The following EFNA3 variants were observed in gnomAD, a reference collection of about 807,000 sequenced individuals.
The protein encoded by EFNA3 is ephrin A3, also known as ephrin-A3.
Under a neutral mutation model 25.0 loss-of-function variants are expected in EFNA3, and 15 were observed. The ratio of observed to expected loss-of-function variants is 0.60; its 90% confidence interval spans 0.40 to 0.92. The LOEUF is 0.92. EFNA3 is among the 40% of genes least tolerant of loss of function. The pLI, the probability that EFNA3 is intolerant of heterozygous loss-of-function variation, is 0.00. For synonymous variants in EFNA3, 153 were observed against 145.6 expected (o/e 1.05, Z -0.37); for missense variants, 298 against 323.8 (o/e 0.92, Z 0.61).
chr1:155,079,259 G>C lies in EFNA3; in HGVS notation c.128+190G>C, dbSNP rs895404508. 2.0e-5 allele frequency among the ~76,000 whole-genome samples: 3 copies of C among 152,124 alleles called. No homozygotes were observed. Among genetic ancestry groups the C allele is most frequent in the Admixed American group, 2.0e-4 (3 of 15,278 alleles). ...TCGGGGGTGTCTGAAGAGGCTGTTG[G>C]GCTATAGTAAGGAGCGCTCGGGCCG... On this transcript the variant is annotated intron_variant, in intron 1 of 4. Coordinates refer to ENST00000368408, the MANE Select transcript of EFNA3 (RefSeq NM_004952.5). This position sits in a 1 kb window ranked among gnomAD's most constrained non-coding sequence, Gnocchi z 7.7.
Position 155,085,055 on chromosome 1 carries a change from G to A in EFNA3, c.129-36G>A, listed in dbSNP as rs752703481. 1 of 1,608,008 alleles carries A rather than the reference G, an allele frequency of 6.2e-7. No individual in the cohort carries two copies. Among genetic ancestry groups the A allele is most frequent in the Non-Finnish European group, 8.5e-7 (1 of 1,177,444 alleles). ...AGATGGAAAGCGGCTTTGCTCTGGG[G>A]TTTCTTCTCTCTGAGCCGCTTCCTC... On this transcript the variant is annotated intron_variant, in intron 1 of 4. Coordinates refer to ENST00000368408, the MANE Select transcript of EFNA3 (RefSeq NM_004952.5). The surrounding 1 kb of genome is among the most constrained non-coding windows in gnomAD (Gnocchi z 4.4).
chr1:155,083,009 G>C (rs980960841), intron 1 of EFNA3, among the ~76,000 whole-genome samples: 2 of 152,244 alleles, frequency 1.3e-5, no homozygotes, highest in African/African-American at 4.8e-5. Context: ...GCCTTGGGGG[G>C]GCATTTCAGG....
In EFNA3 at chr1:155,086,263, G is replaced by T; in HGVS notation, c.586+58G>T. 2.5e-6 allele frequency: 4 copies of T among 1,601,470 alleles called. No homozygotes were observed. In the South Asian group the frequency reaches 3.3e-5, roughly 13 times the overall value. On this transcript the variant is annotated intron_variant, in intron 4 of 4. Coordinates refer to ENST00000368408, the MANE Select transcript of EFNA3 (RefSeq NM_004952.5). ...GCTGGAACCGCAGCCCCCCGCCCCG[G>T]TGCCTGCTCACCTCGCATGCCTTCC...
chr1:155,086,401 C>T lies in EFNA3; in HGVS notation c.587-12C>T, dbSNP rs745825303. ...CCAGCCCTCACCAGTCTGTCTGTTC[C>T]TCTGTCCACAGAAGACTTTGAGGGA... On this transcript the variant is annotated splice_polypyrimidine_tract_variant and intron_variant, in intron 4 of 4. Coordinates refer to ENST00000368408, the MANE Select transcript of EFNA3 (RefSeq NM_004952.5). 10 of 1,613,594 alleles carry T rather than the reference C, an allele frequency of 6.2e-6. No homozygotes were observed. The Admixed American group carries it at 1.3e-4, about 22-fold the overall frequency.
chr1:155,079,789 G>T lies in EFNA3; in HGVS notation c.128+720G>T, dbSNP rs1338537669. Among the ~76,000 whole-genome samples, 8 of 152,112 alleles carry T rather than the reference G, an allele frequency of 5.3e-5. No individual in the cohort carries two copies. The East Asian group carries it at 1.5e-3, about 29-fold the overall frequency. On this transcript the variant is annotated intron_variant, in intron 1 of 4. Coordinates refer to ENST00000368408, the MANE Select transcript of EFNA3 (RefSeq NM_004952.5). The surrounding 1 kb of genome is among the most constrained non-coding windows in gnomAD (Gnocchi z 7.7). Reference sequence around the variant, plus strand: ...CGGGCGTGCGCGGCTGTCAGTGTGCGTGTGTGTCTGAGTGTGTGATTTGTG... The same window carrying T: ...CGGGCGTGCGCGGCTGTCAGTGTGCTTGTGTGTCTGAGTGTGTGATTTGTG...
chr1:155,078,842 A>G lies in EFNA3; in HGVS notation c.-100A>G. On this transcript the variant is annotated 5_prime_UTR_variant, in exon 1 of 5. Coordinates refer to ENST00000368408, the MANE Select transcript of EFNA3 (RefSeq NM_004952.5). The stretch of plus-strand genomic sequence containing the variant: ...GAGGGAAGGGCTGGGGGCGTGGCCT[A>G]AGGCTGGGGGCCGACGGCGGCGGCA... The G allele has an allele frequency of 7.8e-7, 1 of 1,282,182 alleles. No homozygotes were observed. The highest frequency in any genetic ancestry group is 9.8e-7 in the Non-Finnish European group (1 of 1,016,936). The allele number at this position is 1,282,182 out of a possible 1,614,324, so 79.4% of individuals were successfully genotyped here.
rs995516299 is a variant in EFNA3 at position 155,085,966 on chromosome 1, G to A, written c.508+24G>A. The stretch of plus-strand genomic sequence containing the variant: ...CAGTGAGTAGAATAGGCTCCGAGCC[G>A]CGCCCCCATCCTCAGCTCCCTGCTT... On this transcript the variant is annotated intron_variant, in intron 3 of 4. Transcript: ENST00000368408. This position sits in a 1 kb window ranked among gnomAD's most constrained non-coding sequence, Gnocchi z 4.4. The A allele has an allele frequency of 8.8e-6, 14 of 1,597,098 alleles. No homozygotes were observed. The highest frequency in any genetic ancestry group is 3.3e-4 in the Middle Eastern group (2 of 6,006).
rs1212787710 is a variant in EFNA3 at position 155,086,562 on chromosome 1, G to GA, written c.*19_*20insA. On this transcript the variant is annotated 3_prime_UTR_variant, in exon 5 of 5. Transcript: ENST00000368408. Reference sequence around the variant, plus strand: ...CTCCTAGCTCTGCCCCCTCCCCTGGGGGGGGAGAGATGGGGCGGGGCTTGG... The same window carrying GA: ...CTCCTAGCTCTGCCCCCTCCCCTGGGAGGGGGAGAGATGGGGCGGGGCTTGG... 3 of 1,612,230 alleles carry GA rather than the reference G, an allele frequency of 1.9e-6. No individual in the cohort carries two copies. Among genetic ancestry groups the GA allele is most frequent in the African/African-American group, 2.7e-5 (2 of 74,694 alleles).
rs1287914713 is a variant in EFNA3, at chr1:155,079,198, G to A, written c.128+129G>A. ...CCAGAGCTGGGGGCTGGGAGGGGAC[G>A]GAGAGGGGGACGCACTCTGTGGGCG... is the stretch of plus-strand genomic sequence containing the variant. On this transcript the variant is annotated intron_variant, in intron 1 of 4. Transcript: ENST00000368408. The surrounding 1 kb of genome is among the most constrained non-coding windows in gnomAD (Gnocchi z 7.7). The A allele has an allele frequency of 1.7e-5, 18 of 1,066,170 alleles. No homozygotes were observed. The Middle Eastern group carries it at 1.4e-3, about 81-fold the overall frequency. The allele number at this position is 1,066,170 out of a possible 1,614,324, so 66.0% of individuals were successfully genotyped here.
Position 155,081,111 on chromosome 1 carries a change from T to C in EFNA3, c.128+2042T>C, listed in dbSNP as rs183726290. 6.6e-6 allele frequency among the ~76,000 whole-genome samples: 1 copy of C among 151,858 alleles called. No individual in the cohort carries two copies. The highest frequency in any genetic ancestry group is 1.5e-5 in the Non-Finnish European group (1 of 67,928). ...GCCCCTTGGGGTCACGTGGGGAGGG[T>C]CTTGCGACCCCGCCTCCTGGGGGGG... On this transcript the variant is annotated intron_variant, in intron 1 of 4. Transcript: ENST00000368408. This position sits in a 1 kb window ranked among gnomAD's most constrained non-coding sequence, Gnocchi z 5.2.
At position 155,085,255 on chromosome 1, in the gene EFNA3, C is replaced by T. The variant is rs1250821932; in HGVS notation, c.293C>T (p.Thr98Ile). 1 of 1,612,928 alleles carries T rather than the reference C, an allele frequency of 6.2e-7. No individual in the cohort carries two copies. The highest frequency in any genetic ancestry group is 8.5e-7 in the Non-Finnish European group (1 of 1,179,704). The change falls in exon 2 of 5, where the codon ACC becomes ATC. Residue 98 changes from threonine (T) to isoleucine (I), a missense_variant. Coordinates refer to ENST00000368408, the MANE Select transcript of EFNA3 (RefSeq NM_004952.5). This position sits in a 1 kb window ranked among gnomAD's most constrained non-coding sequence, Gnocchi z 4.4. ...ATGGTGAGCCGCAACGGCTACCGCA[C>T]CTGCAACGCCAGCCAGGGCTTCAAG... is the stretch of plus-strand genomic sequence containing the variant. ...LYMVSRNGYR[T>I]CNASQGFKRW... is the part of the protein sequence containing the mutation.
At position 155,085,659 on chromosome 1, in the gene EFNA3, G is replaced by T; in HGVS notation, c.443-218G>T. On this transcript the variant is annotated intron_variant, in intron 2 of 4. Transcript: ENST00000368408. This position sits in a 1 kb window ranked among gnomAD's most constrained non-coding sequence, Gnocchi z 4.4. ...GCTGTTTCTGTGAGGGACATTCCGG[G>T]GTTGGAACATCAGGGATCCCAGTTT... The T allele has an allele frequency of 1.5e-6, 1 of 686,064 alleles. No individual in the cohort carries two copies. Among genetic ancestry groups the T allele is most frequent in the Non-Finnish European group, 2.4e-6 (1 of 414,704 alleles). The allele number at this position is 686,064 out of a possible 1,614,324, so 42.5% of individuals were successfully genotyped here.
rs762313708 is a variant in EFNA3 at position 155,085,096 on chromosome 1, G to A, written c.134G>A (p.Arg45Gln). ...CCGCTTCCTCTTCCCCACAGCCTGC[G>A]GCGAGAGGGCTACACCGTGCAGGTG... Reference protein sequence around the residue: ...VYWNSSNQHLRREGYTVQVNV... With the variant: ...VYWNSSNQHLQREGYTVQVNV... Residue 45 changes from arginine to glutamine, a missense_variant, in exon 2 of 5, where the codon CGG becomes CAG. Physicochemically the swap from Arg to Gln is conservative, Grantham distance 43. Coordinates refer to ENST00000368408, the MANE Select transcript of EFNA3 (RefSeq NM_004952.5). The surrounding 1 kb of genome is among the most constrained non-coding windows in gnomAD (Gnocchi z 4.4). 3.1e-6 allele frequency: 5 copies of A among 1,613,514 alleles called. No homozygotes were observed. The highest frequency in any genetic ancestry group is 1.7e-5 in the Admixed American group (1 of 59,974).
Position 155,086,216 on chromosome 1 carries a change from G to C in EFNA3, c.586+11G>C, listed in dbSNP as rs367560890. 2 of 1,613,450 alleles carry C rather than the reference G, an allele frequency of 1.2e-6. No individual in the cohort carries two copies. The highest frequency in any genetic ancestry group is 1.3e-5 in the African/African-American group (1 of 74,872). Reference sequence around the variant, plus strand: ...AGATCAACGTGCTGGGTGAGTCTGCGCAGCGCCCTCTGGTGGCCACTGCTG... The same window carrying C: ...AGATCAACGTGCTGGGTGAGTCTGCCCAGCGCCCTCTGGTGGCCACTGCTG... On this transcript the variant is annotated intron_variant, in intron 4 of 4. Transcript: ENST00000368408.
In EFNA3 at chr1:155,085,154, G is replaced by A. The variant is rs763993185; in HGVS notation, c.192G>A (p.Pro64=). 6.2e-6 allele frequency: 10 copies of A among 1,613,392 alleles called. No homozygotes were observed. Residue 64 remains proline (P), a synonymous_variant, in exon 2 of 5, where the codon CCG becomes CCA. Coordinates refer to ENST00000368408, the MANE Select transcript of EFNA3 (RefSeq NM_004952.5). This position sits in a 1 kb window ranked among gnomAD's most constrained non-coding sequence, Gnocchi z 4.4. ...ACGACTATCTGGATATTTACTGCCC[G>A]CACTACAACAGCTCGGGGGTGGGCC... ...NVNDYLDIYC[P]HYNSSGVGPG...
At chr1:155,084,519 A>C (rs1290700598) in intron 1 of EFNA3, among the ~76,000 whole-genome samples, 2 of 152,244 alleles carry the variant, frequency 1.3e-5, no homozygotes, top group African/African-American at 4.8e-5. Flanking sequence ...ATATGCATGA[A>C]GCCGCCATAC....
chr1:155,086,353 G>C, intron 4 of EFNA3, 60 bp from the exon 5 acceptor site: 1 of 1,556,824 alleles, frequency 6.4e-7, no homozygotes, highest in Non-Finnish European at 8.7e-7. Flanking sequence ...CTGCTGCCGC[G>C]TGCCCCTGCC....
Position 155,085,729 on chromosome 1 carries a change from C to G in EFNA3, c.443-148C>G, listed in dbSNP as rs1571664632. On this transcript the variant is annotated intron_variant, in intron 2 of 4. Transcript: ENST00000368408. This position sits in a 1 kb window ranked among gnomAD's most constrained non-coding sequence, Gnocchi z 4.4. ...GGGGCGTCTAGGGCCGACGGCAGAG[C>G]TAAAGTGACCCGTGTCCAAAGGGTA... The G allele has an allele frequency of 4.3e-6, 4 of 935,436 alleles. No homozygotes were observed. The highest frequency in any genetic ancestry group is 3.2e-5 in the South Asian group (2 of 61,624). The allele number at this position is 935,436 out of a possible 1,614,324, so 57.9% of individuals were successfully genotyped here.
Position 155,085,039 on chromosome 1 carries a change from G to A in EFNA3, c.129-52G>A. On this transcript the variant is annotated intron_variant, in intron 1 of 4. Coordinates refer to ENST00000368408, the MANE Select transcript of EFNA3 (RefSeq NM_004952.5). The surrounding 1 kb of genome is among the most constrained non-coding windows in gnomAD (Gnocchi z 4.4). ...GGGCTGCGGAGCGGTCAGATGGAAAGCGGCTTTGCTCTGGGGTTTCTTCTC... is the reference window on the plus strand; with the variant it reads ...GGGCTGCGGAGCGGTCAGATGGAAAACGGCTTTGCTCTGGGGTTTCTTCTC... 1 of 1,586,630 alleles carries A rather than the reference G, an allele frequency of 6.3e-7. No homozygotes were observed. Among genetic ancestry groups the A allele is most frequent in the Non-Finnish European group, 8.6e-7 (1 of 1,165,476 alleles).
Sources: gnomAD v4.1 joint callset for allele counts (sites outside exome capture counted in the v4.1 genomes callset) on GRCh38, gnomAD v4.1.1 for gene constraint, Gnocchi (gnomAD v3.1) non-coding constraint, MANE v1.5 for transcripts, NCBI Gene and HGNC (gene_info 2026-07-23, HGNC 2026-07-21) for gene names.